The following ENOX2 variants were observed in gnomAD, a reference collection of about 807,000 sequenced individuals.
ENOX2 encodes APK1 antigen.
ENOX2 carries 36 observed loss-of-function variants against 45.0 expected under a neutral mutation model. That is an observed-to-expected ratio of 0.80 (90% CI 0.61 to 1.06). The LOEUF (loss-of-function observed/expected upper bound fraction) is 1.06, where lower values mean the gene tolerates loss of function less well. Ranked by LOEUF, ENOX2 falls within the 50% of genes least tolerant of loss-of-function variation. ENOX2 has a pLI of 0.00. For synonymous variants in ENOX2, 174 were observed against 152.3 expected, an observed-to-expected ratio of 1.14 and a Z score of -1.05; for missense variants, 423 against 462.5, an observed-to-expected ratio of 0.91 and a Z score of 0.78.
Position 130,667,745 on chromosome X carries a change from G to GA in ENOX2, c.695-4dup. ...AGCTTCTGAGAATTTGGAATCATCT[G>GA]AAAAAAATATATTTTTATAACCAAC... On this transcript the variant is annotated splice_polypyrimidine_tract_variant and splice_region_variant and intron_variant, in intron 7 of 14. Coordinates refer to ENST00000394363, the MANE Select transcript of ENOX2 (RefSeq NM_006375.4). 8.5e-7 allele frequency: 1 copy of GA among 1,175,756 alleles called. No individual in the cohort carries two copies. Among genetic ancestry groups the GA allele is most frequent in the South Asian group, 1.9e-5 (1 of 53,778 alleles).
intron 2 of ENOX2, among the ~76,000 whole-genome samples, chrX:130,858,071 T>C (rs1196509560): frequency 9.1e-6 from 1 of 109,724 alleles, no homozygotes; most frequent in East Asian, 2.8e-4. Context: ...AACAGAATGC[T>C]GGATTGGCTA....
chrX:130,771,461 G>A (rs1223403200), intron 3 of ENOX2, among the ~76,000 whole-genome samples: 1 of 111,115 alleles, frequency 9.0e-6, no homozygotes, highest in Non-Finnish European at 1.9e-5. Flanking sequence ...TAGATAAGTG[G>A]GCCAGATGAT....
intron 10 of ENOX2, among the ~76,000 whole-genome samples, chrX:130,655,821 C>T (rs1603297943): frequency 9.0e-6 from 1 of 111,576 alleles, no homozygotes; most frequent in Non-Finnish European, 1.9e-5. Flanking sequence ...TTTTTAGTAG[C>T]GATGGGGTTT....
chrX:130,644,611 C>T (rs1006672074), intron 10 of ENOX2, among the ~76,000 whole-genome samples: 1 of 111,663 alleles, frequency 9.0e-6, no homozygotes, highest in African/African-American at 3.3e-5. Flanking sequence ...AAATTAAATG[C>T]ATATTACTAA....
rs760629246 is a variant in ENOX2, at chrX:130,837,961, G to A, written c.-182-54271C>T. Among the ~76,000 whole-genome samples the A allele has an allele frequency of 3.6e-5, 4 of 111,708 alleles. No individual in the cohort carries two copies. The East Asian group carries it at 1.1e-3, about 32-fold the overall frequency. On this transcript the variant is annotated intron_variant, in intron 2 of 14. Transcript: ENST00000394363. ...ATCTTCAATCCTCTTGTTCATATCAGCTCTTCAAATATTTGAAGACTCCTA... is the reference window on the plus strand; with the variant it reads ...ATCTTCAATCCTCTTGTTCATATCAACTCTTCAAATATTTGAAGACTCCTA...
At chrX:130,854,551 C>G (rs1487727324) in intron 2 of ENOX2, among the ~76,000 whole-genome samples, 1 of 111,288 alleles carries the variant, frequency 9.0e-6, no homozygotes, top group Non-Finnish European at 1.9e-5. Context: ...AAAAGCTGAA[C>G]TAACCCCAAA....
At chrX:130,790,397 C>T (rs937966852) in intron 2 of ENOX2, among the ~76,000 whole-genome samples, 2 of 112,287 alleles carry the variant, frequency 1.8e-5, no homozygotes, top group Admixed American at 9.4e-5. Flanking sequence ...AGGCCGCATC[C>T]ATTTCAGGCC....
At chrX:130,697,025 T>C (rs2037780309) in intron 4 of ENOX2, among the ~76,000 whole-genome samples, 1 of 111,484 alleles carries the variant, frequency 9.0e-6, no homozygotes, top group Non-Finnish European at 1.9e-5. Context: ...TTTTATAAAT[T>C]ATTGTATTTT....
At chrX:130,638,600 G>A (rs2035997902) in intron 10 of ENOX2, among the ~76,000 whole-genome samples, 1 of 111,427 alleles carries the variant, frequency 9.0e-6, no homozygotes, top group East Asian at 2.8e-4. Flanking sequence ...CAAGTAAAAA[G>A]CTGAACAATG....
At chrX:130,899,515 C>CT (rs2079111529) in intron 2 of ENOX2, among the ~76,000 whole-genome samples, 1 of 111,892 alleles carries the variant, frequency 8.9e-6, no homozygotes, top group African/African-American at 3.3e-5. Flanking sequence ...ACGGAGGTAA[C>CT]TAAGTGCAGG....
At chrX:130,858,112 TC>T in intron 2 of ENOX2, among the ~76,000 whole-genome samples, 1 of 108,056 alleles carries the variant, frequency 9.3e-6, no homozygotes, top group Non-Finnish European at 1.9e-5. Flanking sequence ...ATGGGCTTTT[TC>T]CTTTTTTTTT....
chrX:130,786,901 T>C (rs1217044586), intron 2 of ENOX2, among the ~76,000 whole-genome samples: 1 of 85,959 alleles, frequency 1.2e-5, no homozygotes, highest in Non-Finnish European at 2.3e-5. Flanking sequence ...AGATTTATAG[T>C]CCTTTGGGTA....
At chrX:130,878,488 G>A (rs1437210474) in intron 2 of ENOX2, among the ~76,000 whole-genome samples, 4 of 111,096 alleles carry the variant, frequency 3.6e-5, no homozygotes, top group South Asian at 3.8e-4. Context: ...TCCTTTTTCC[G>A]TGAGACTATG....
intron 10 of ENOX2, among the ~76,000 whole-genome samples, chrX:130,648,391 T>C (rs1054506175): frequency 9.2e-6 from 1 of 108,627 alleles, no homozygotes; most frequent in Admixed American, 9.8e-5. Flanking sequence ...TGAGCTGAGA[T>C]GGCACCATTG....
At chrX:130,677,007 C>T (rs1265852247) in intron 6 of ENOX2, among the ~76,000 whole-genome samples, 2 of 112,209 alleles carry the variant, frequency 1.8e-5, no homozygotes, top group Admixed American at 1.9e-4. Flanking sequence ...CTCATGTCTA[C>T]TTAGTAAACA....
At chrX:130,827,163 A>G (rs1334821752) in intron 2 of ENOX2, among the ~76,000 whole-genome samples, 4 of 112,259 alleles carry the variant, frequency 3.6e-5, no homozygotes, top group Non-Finnish European at 7.5e-5. Context: ...GGTTTCATCC[A>G]TTCAGTGTAT....
At chrX:130,745,365 T>C (rs1261932415) in intron 3 of ENOX2, among the ~76,000 whole-genome samples, 2 of 111,788 alleles carry the variant, frequency 1.8e-5, no homozygotes, top group African/African-American at 6.5e-5. Context: ...CAAATGATAA[T>C]GGTTATTATT....
intron 2 of ENOX2, among the ~76,000 whole-genome samples, chrX:130,855,950 C>T (rs2078300337): frequency 9.0e-6 from 1 of 111,613 alleles, no homozygotes; most frequent in Non-Finnish European, 1.9e-5. Context: ...ATACAGATGG[C>T]ACATAAACAG....
chrX:130,817,300 C>G (rs1293842441), intron 2 of ENOX2, among the ~76,000 whole-genome samples: 1 of 111,768 alleles, frequency 8.9e-6, no homozygotes, highest in Non-Finnish European at 1.9e-5. Flanking sequence ...AAAAAAAGCC[C>G]AGAACCAGAT....
Sources: allele counts gnomAD v4.1 joint callset (sites outside exome capture counted in the v4.1 genomes callset), GRCh38; gene constraint gnomAD v4.1.1; transcripts MANE v1.5; gene names NCBI Gene and HGNC (gene_info 2026-07-23, HGNC 2026-07-21).